The following TAS2R1 variants were observed in gnomAD, a reference collection of about 807,000 sequenced individuals.
TAS2R1 encodes taste 2 receptor member 1.
For synonymous variants in TAS2R1, 141 were observed against 134.2 expected (o/e 1.05, Z -0.35); for missense variants, 370 against 353.4 (o/e 1.05, Z -0.38).
chr5:9,662,653 G>A (rs986844820), intron 1 of TAS2R1, among the ~76,000 whole-genome samples: 1 of 152,104 alleles, frequency 6.6e-6, no homozygotes, highest in South Asian at 2.1e-4. Flanking sequence ...ACACCCATAC[G>A]TGACATCAAT....
chr5:9,751,608 T>G, the TAS2R1 span, among the ~76,000 whole-genome samples: 2 of 152,238 alleles, frequency 1.3e-5, no homozygotes, highest in Non-Finnish European at 2.9e-5. Context: ...CCACACTTGC[T>G]TTACATTTCA....
At chr5:9,689,463 C>A (rs1342636197) in intron 1 of TAS2R1, among the ~76,000 whole-genome samples, 1 of 152,102 alleles carries the variant, frequency 6.6e-6, no homozygotes, top group Non-Finnish European at 1.5e-5. Context: ...GATTCGTGCT[C>A]GGGATTCAGA....
At chr5:9,649,241 G>A (rs1434137299) in intron 2 of TAS2R1, among the ~76,000 whole-genome samples, 3 of 152,164 alleles carry the variant, frequency 2.0e-5, no homozygotes, top group Admixed American at 6.5e-5. Flanking sequence ...CTAGCAGTGT[G>A]TGAGATCAGC....
the TAS2R1 span, among the ~76,000 whole-genome samples, chr5:9,723,545 G>A: frequency 1.3e-5 from 2 of 152,308 alleles, no homozygotes; most frequent in East Asian, 3.9e-4. Flanking sequence ...CCTTCCCAGG[G>A]CTCCTTCCAT....
At chr5:9,732,308 T>C in the TAS2R1 span, among the ~76,000 whole-genome samples, 3 of 152,278 alleles carry the variant, frequency 2.0e-5, no homozygotes, top group South Asian at 4.1e-4. Context: ...TGGTTGATAA[T>C]ACAACTGGAA....
intron 2 of TAS2R1, among the ~76,000 whole-genome samples, chr5:9,646,081 A>C (rs1740180811): frequency 6.6e-6 from 1 of 152,192 alleles, no homozygotes; most frequent in Admixed American, 6.5e-5. Flanking sequence ...CCAGTCATTT[A>C]GTGAAGTAAC....
At chr5:9,799,115 C>T in the TAS2R1 span, among the ~76,000 whole-genome samples, 1 of 152,192 alleles carries the variant, frequency 6.6e-6, no homozygotes, top group Non-Finnish European at 1.5e-5. Context: ...GTTAGGTTGT[C>T]TCTCTAAAGC....
chr5:9,862,598 T>C, the TAS2R1 span, among the ~76,000 whole-genome samples: 1 of 72,972 alleles, frequency 1.4e-5, no homozygotes, highest in African/African-American at 6.8e-5. Flanking sequence ...CTTATTTCGT[T>C]TTATGATTAT....
At chr5:9,758,392 G>A in the TAS2R1 span, among the ~76,000 whole-genome samples, 2 of 152,102 alleles carry the variant, frequency 1.3e-5, no homozygotes, top group African/African-American at 4.8e-5. Flanking sequence ...AACTGCCCCA[G>A]GTCAAAATAA....
the TAS2R1 span, among the ~76,000 whole-genome samples, chr5:9,770,613 A>G: frequency 6.6e-6 from 1 of 151,876 alleles, no homozygotes; most frequent in Non-Finnish European, 1.5e-5. Flanking sequence ...GAAATATCTC[A>G]CTTATTTTAT....
At chr5:9,791,807 T>C in the TAS2R1 span, among the ~76,000 whole-genome samples, 118 of 152,336 alleles carry the variant, frequency 7.7e-4, no homozygotes, top group Middle Eastern at 0.017. Context: ...CACATGACTC[T>C]GTTGTACAGC....
the TAS2R1 span, among the ~76,000 whole-genome samples, chr5:9,838,766 T>C: frequency 2.0e-5 from 3 of 152,212 alleles, no homozygotes; most frequent in South Asian, 2.1e-4. Context: ...GAGAGTAAGA[T>C]GCAATGTTCT....
At chr5:9,780,896 C>T in the TAS2R1 span, among the ~76,000 whole-genome samples, 8 of 152,152 alleles carry the variant, frequency 5.3e-5, no homozygotes, top group African/African-American at 1.7e-4. Flanking sequence ...CTGAGGTTTC[C>T]CAGAAAACAA....
chr5:9,725,290 C>T, the TAS2R1 span, among the ~76,000 whole-genome samples: 1 of 152,248 alleles, frequency 6.6e-6, no homozygotes, highest in South Asian at 2.1e-4. Context: ...GCTTCCTCAG[C>T]TTGCAGGGAG....
At chr5:9,634,879 T>C (rs117254191), upstream of TAS2R1, among the ~76,000 whole-genome samples, 384 of 152,196 alleles carry the variant, frequency 2.5e-3, 2 homozygotes, top group East Asian at 0.028. Flanking sequence ...CATACAATCA[T>C]ATTACTGGTG....
At chr5:9,860,104 AG>A in the TAS2R1 span, among the ~76,000 whole-genome samples, 1 of 152,176 alleles carries the variant, frequency 6.6e-6, no homozygotes, top group Non-Finnish European at 1.5e-5. Context: ...GGGAAGAAGG[AG>A]GGGAAATGGG....
the TAS2R1 span, among the ~76,000 whole-genome samples, chr5:9,811,632 C>T: frequency 3.0e-4 from 46 of 152,028 alleles, no homozygotes; most frequent in Non-Finnish European, 5.7e-4. Flanking sequence ...GTCCTTTTTT[C>T]TTCTTCTTCT....
At chr5:9,893,301 GC>G in the TAS2R1 span, among the ~76,000 whole-genome samples, 1 of 151,478 alleles carries the variant, frequency 6.6e-6, no homozygotes, top group Admixed American at 6.6e-5. Flanking sequence ...ACCTCCCGTG[GC>G]CGGGCTTTCT....
At chr5:9,633,294 T>G (rs1393678762), upstream of TAS2R1, among the ~76,000 whole-genome samples, 16 of 67,824 alleles carry the variant, frequency 2.4e-4, no homozygotes, top group African/African-American at 5.0e-4. Context: ...TGTGTGTATA[T>G]TATATATATA....
Sources: gnomAD v4.1 joint callset for allele counts (sites outside exome capture counted in the v4.1 genomes callset) on GRCh38, gnomAD v4.1.1 for gene constraint, MANE v1.5 for transcripts, NCBI Gene and HGNC (gene_info 2026-07-23, HGNC 2026-07-21) for gene names.